STK4: variants seen among roughly 807,000 people sequenced by gnomAD.
The protein encoded by STK4 is serine/threonine kinase 4.
STK4 carries 30 observed loss-of-function variants against 64.9 expected under a neutral mutation model. The observed-to-expected ratio is 0.46, with a 90% CI of 0.35 to 0.63. The LOEUF (loss-of-function observed/expected upper bound fraction) is 0.63, where lower values mean the gene tolerates loss of function less well. Ranked by LOEUF, STK4 falls within the 20% of genes least tolerant of loss-of-function variation. The probability of loss-of-function intolerance (pLI) is 0.01; values close to 1 mark genes in which losing one functional copy is unlikely to be tolerated. For synonymous variants in STK4, 177 were observed against 199.0 expected (o/e 0.89, Z 0.93); for missense variants, 466 against 598.5 (o/e 0.78, Z 2.31).
intron 10 of STK4, among the ~76,000 whole-genome samples, chr20:45,038,538 C>CT (rs1450416007): frequency 6.6e-6 from 1 of 152,038 alleles, no homozygotes; most frequent in African/African-American, 2.4e-5. Context: ...CTCGTGTACT[C>CT]TGAGATACTG....
intron 9 of STK4, among the ~76,000 whole-genome samples, chr20:45,011,731 T>TATATATATATATA (rs1428985946): frequency 3.5e-3 from 287 of 81,068 alleles, no homozygotes; most frequent in African/African-American, 8.3e-3. Context: ...ATATATATAT[T>TATATATATATATA]TTTTTTTTTT....
chr20:45,061,630 G>A (rs1466015049), intron 10 of STK4, among the ~76,000 whole-genome samples: 2 of 149,910 alleles, frequency 1.3e-5, no homozygotes, highest in Non-Finnish European at 3.0e-5. Flanking sequence ...AGGTTCAGGG[G>A]TACATGTGCA....
intron 10 of STK4, among the ~76,000 whole-genome samples, chr20:45,067,179 G>C (rs1979647091): frequency 6.6e-6 from 1 of 152,080 alleles, no homozygotes; most frequent in African/African-American, 2.4e-5. Flanking sequence ...TGGTATGATG[G>C]TGGCTTCATT....
intron 10 of STK4, among the ~76,000 whole-genome samples, chr20:45,028,655 T>C (rs948428002): frequency 5.3e-5 from 8 of 152,214 alleles, no homozygotes; most frequent in African/African-American, 1.7e-4. Flanking sequence ...ATTTTCCTAA[T>C]GATTAGTGAT....
At chr20:45,034,882 A>G (rs931919095) in intron 10 of STK4, among the ~76,000 whole-genome samples, 1 of 152,146 alleles carries the variant, frequency 6.6e-6, no homozygotes, top group African/African-American at 2.4e-5. Context: ...GCACCACTGT[A>G]TACTGCCCTG....
In STK4 at chr20:44,972,339, G is replaced by C. The variant is rs1601173979; in HGVS notation, c.116+181G>C. 9 of 538,562 alleles carry C rather than the reference G, an allele frequency of 1.7e-5. No homozygotes were observed. The East Asian group carries it at 2.8e-4, about 17-fold the overall frequency. 33.4% of individuals were successfully genotyped at this position (538,562 alleles called of 1,614,324 possible). On this transcript the variant is annotated intron_variant, in intron 2 of 10. Coordinates refer to ENST00000372806, the MANE Select transcript of STK4 (RefSeq NM_006282.5). ...ATTATAGACAGATTTAGTGATTCCT[G>C]GTCTTTTTAACACGAAGAATATCTA...
At chr20:45,021,291 T>C (rs915317429) in intron 9 of STK4, among the ~76,000 whole-genome samples, 3 of 152,234 alleles carry the variant, frequency 2.0e-5, no homozygotes, top group African/African-American at 7.2e-5. Flanking sequence ...TAGATACTAA[T>C]TGTGATAGGA....
At position 45,077,265 on chromosome 20, in the gene STK4, A is replaced by G. The variant is rs1446597701; in HGVS notation, c.*2089A>G. ...CATAGACTAAATAACTCGAACTGGC[A>G]TTTTTAGGTTGGAAAGACAGCTGAA... is the stretch of plus-strand genomic sequence containing the variant. On this transcript the variant is annotated 3_prime_UTR_variant, in exon 11 of 11. Coordinates refer to ENST00000372806, the MANE Select transcript of STK4 (RefSeq NM_006282.5). 1 of 152,244 alleles carries G rather than the reference A, an allele frequency of 6.6e-6. No individual in the cohort carries two copies. The highest frequency in any genetic ancestry group is 2.4e-5 in the African/African-American group (1 of 41,468). 9.4% of individuals were successfully genotyped at this position (152,244 alleles called of 1,614,324 possible).
chr20:45,025,193 T>C, intron 10 of STK4, 63 bp downstream of exon 10: 1 of 1,535,814 alleles, frequency 6.5e-7, no homozygotes, highest in Non-Finnish European at 8.8e-7. Flanking sequence ...TATCACACAT[T>C]AGTGCCCAAG....
intron 10 of STK4, among the ~76,000 whole-genome samples, chr20:45,049,913 C>T (rs745606829): frequency 6.6e-6 from 1 of 152,156 alleles, no homozygotes; most frequent in South Asian, 2.1e-4. Context: ...ACTTCCTTCC[C>T]CTCCCCTCTC....
intron 9 of STK4, among the ~76,000 whole-genome samples, chr20:45,020,472 T>TGTGTGTG (rs1568728059): frequency 3.4e-4 from 17 of 49,532 alleles, no homozygotes; most frequent in African/African-American, 2.0e-3. Flanking sequence ...GTGTGTATGT[T>TGTGTGTG]TATGTTTATG....
At chr20:45,053,088 A>G in intron 10 of STK4, 1 of 1,611,928 alleles carries the variant, frequency 6.2e-7, no homozygotes, top group Non-Finnish European at 8.5e-7. Context: ...TCTTTCAGAA[A>G]ACTAGCCAAG....
intron 5 of STK4, among the ~76,000 whole-genome samples, chr20:44,988,673 T>G (rs773529491): frequency 9.9e-5 from 15 of 151,226 alleles, no homozygotes; most frequent in Non-Finnish European, 2.2e-4. Flanking sequence ...TTTCTCCCCT[T>G]TTAATATGTA....
chr20:45,066,132 G>GTA (rs919310630), intron 10 of STK4, among the ~76,000 whole-genome samples: 8 of 151,012 alleles, frequency 5.3e-5, no homozygotes, highest in Non-Finnish European at 1.0e-4. Flanking sequence ...TTGTGTATGT[G>GTA]TATATATATA....
chr20:45,050,144 C>T (rs2068755403), intron 10 of STK4, among the ~76,000 whole-genome samples: 1 of 152,142 alleles, frequency 6.6e-6, no homozygotes, highest in African/African-American at 2.4e-5. Flanking sequence ...AGTGCTCGTG[C>T]CATGGCTACA....
At chr20:45,000,027 T>C (rs1408171712) in intron 7 of STK4, among the ~76,000 whole-genome samples, 1 of 152,230 alleles carries the variant, frequency 6.6e-6, no homozygotes, top group Admixed American at 6.5e-5. Context: ...TTCTGTACTT[T>C]GCAAAATTGC....
intron 10 of STK4, among the ~76,000 whole-genome samples, chr20:45,030,916 G>C (rs1431728026): frequency 6.6e-6 from 1 of 152,100 alleles, no homozygotes; most frequent in Non-Finnish European, 1.5e-5. Context: ...GATGACCCAG[G>C]CTGGGTGCAG....
rs529866239 is a variant in STK4 at position 45,008,728 on chromosome 20, A to T, written c.1147+7375A>T. On this transcript the variant is annotated intron_variant, in intron 9 of 10. Transcript: ENST00000372806. ...TCTGACCTTTTTTTTAGTAATAGCC[A>T]TTCTTACTGGTATGAGATATCTCAT... Among the ~76,000 whole-genome samples the T allele has an allele frequency of 3.9e-5, 6 of 152,096 alleles. No homozygotes were observed. In the East Asian group the frequency reaches 1.2e-3, roughly 29 times the overall value.
At chr20:44,973,482 C>G (rs1355278383) in intron 2 of STK4, 2 of 152,252 alleles carry the variant, frequency 1.3e-5, no homozygotes, top group African/African-American at 4.8e-5. Flanking sequence ...CCATTTTCAG[C>G]TTTAGCTTGC....
Sources: gnomAD v4.1 joint callset for allele counts (sites outside exome capture counted in the v4.1 genomes callset) on GRCh38, gnomAD v4.1.1 for gene constraint, MANE v1.5 for transcripts, NCBI Gene and HGNC (gene_info 2026-07-23, HGNC 2026-07-21) for gene names.